The following DNAH9 variants were observed in gnomAD, a reference collection of about 807,000 sequenced individuals.
DNAH9 encodes the protein dynein axonemal heavy chain 9, also known as DNAH9 variant protein.
A neutral mutation model predicts 471.6 loss-of-function variants in DNAH9; 345 were observed. The observed-to-expected ratio is 0.73, with a 90% CI of 0.67 to 0.80. DNAH9 has a LOEUF of 0.80. DNAH9 is among the 30% of genes least tolerant of loss of function. DNAH9 has a pLI of 0.00. For missense variants in DNAH9, 5,407 were observed against 5,609.2 expected, an observed-to-expected ratio of 0.96 and a Z score of 1.15; for synonymous variants, 2,093 against 2,123.6, an observed-to-expected ratio of 0.99 and a Z score of 0.40.
intron 38 of DNAH9, among the ~76,000 whole-genome samples, chr17:11,773,549 T>C (rs1968302937): frequency 6.6e-6 from 1 of 151,912 alleles, no homozygotes. Context: ...TTTTTTAAAA[T>C]ATATATAATA....
chr17:11,622,501 C>T lies in DNAH9; in HGVS notation c.1350+2720C>T, dbSNP rs772048790. ...GGTGAGGGACACTCCAGCCCCAGCC[C>T]ATGCCTGGCCTGGGCTGACCACGAA... On this transcript the variant is annotated intron_variant, in intron 6 of 68. Coordinates refer to ENST00000262442, the MANE Select transcript of DNAH9 (RefSeq NM_001372.4). Among the ~76,000 whole-genome samples, 3 of 152,072 alleles carry T rather than the reference C, an allele frequency of 2.0e-5. 1 individual carries two copies. In the South Asian group the frequency reaches 6.2e-4, roughly 32 times the overall value.
rs1198355872 is a variant in DNAH9 at position 11,626,107 on chromosome 17, T to C, written c.1351-3310T>C. Among the ~76,000 whole-genome samples the C allele has an allele frequency of 6.6e-6, 1 of 152,230 alleles. No individual in the cohort carries two copies. The highest frequency in any genetic ancestry group is 1.5e-5 in the Non-Finnish European group (1 of 68,032). ...GTTTTTTGTTTGTTTGTTCTGGCCCTAGATCCTAGGCTCTTTCCACAATGC... is the reference window on the plus strand; with the variant it reads ...GTTTTTTGTTTGTTTGTTCTGGCCCCAGATCCTAGGCTCTTTCCACAATGC... On this transcript the variant is annotated intron_variant, in intron 6 of 68. Transcript: ENST00000262442. The surrounding 1 kb of genome is among the most constrained non-coding windows in gnomAD (Gnocchi z 4.3).
At chr17:11,762,783 T>TTTTG (rs1340196863) in intron 35 of DNAH9, among the ~76,000 whole-genome samples, 2 of 133,770 alleles carry the variant, frequency 1.5e-5, no homozygotes, top group Admixed American at 8.0e-5. Context: ...TTTTTTTTTT[T>TTTTG]TTTTTTTTTT....
intron 63 of DNAH9, among the ~76,000 whole-genome samples, chr17:11,930,493 C>G (rs1417952815): frequency 1.3e-5 from 2 of 152,236 alleles, no homozygotes; most frequent in African/African-American, 4.8e-5. Flanking sequence ...CTACATGAAT[C>G]TTGAGTATCA....
chr17:11,769,302 T>A lies in DNAH9; in HGVS notation c.7525T>A (p.Tyr2509Asn). The change falls in exon 38 of 69, where the codon TAC becomes AAC. Residue 2509 changes from tyrosine (Y) to asparagine (N), a missense_variant. Around this residue, in one of 3 missense-constraint regions of DNAH9, gnomAD observed 4,636 missense variants for 4,900.3 expected, o/e 0.95. Coordinates refer to ENST00000262442, the MANE Select transcript of DNAH9 (RefSeq NM_001372.4). ...AYLVKNVPFN[Y>N]YTTSAMLQAV... Reference sequence around the variant, plus strand: ...CCTGGTGAAAAACGTGCCATTCAACTACTACACCACGTCAGCAATGCTGCA... The same window carrying A: ...CCTGGTGAAAAACGTGCCATTCAACAACTACACCACGTCAGCAATGCTGCA... 2.5e-6 allele frequency: 4 copies of A among 1,613,662 alleles called. No individual in the cohort carries two copies. Among genetic ancestry groups the A allele is most frequent in the Non-Finnish European group, 3.4e-6 (4 of 1,179,850 alleles).
intron 14 of DNAH9, among the ~76,000 whole-genome samples, chr17:11,657,628 G>A (rs1238774934): frequency 1.3e-5 from 2 of 151,900 alleles, no homozygotes; most frequent in Non-Finnish European, 2.9e-5. Flanking sequence ...TCCAAAGATT[G>A]CAAAGATATC....
chr17:11,609,780 A>T (rs561478543), intron 2 of DNAH9, among the ~76,000 whole-genome samples: 1 of 152,220 alleles, frequency 6.6e-6, no homozygotes, highest in African/African-American at 2.4e-5. Flanking sequence ...TGGGAATTCT[A>T]TTCTTCACTG....
rs1027962119 is a variant in DNAH9, at chr17:11,892,921, G to C, written c.11283+974G>C. Among the ~76,000 whole-genome samples the C allele has an allele frequency of 1.3e-5, 2 of 151,968 alleles. No individual in the cohort carries two copies. Among genetic ancestry groups the C allele is most frequent in the Admixed American group, 1.3e-4 (2 of 15,244 alleles). Reference sequence around the variant, plus strand: ...GGGATTTTTTCCAATATGTAAATTGGGAGCACAGACTAATTATCTCGAAGG... The same window carrying C: ...GGGATTTTTTCCAATATGTAAATTGCGAGCACAGACTAATTATCTCGAAGG... On this transcript the variant is annotated intron_variant, in intron 58 of 68. Transcript: ENST00000262442. The surrounding 1 kb of genome is among the most constrained non-coding windows in gnomAD (Gnocchi z 4.3).
intron 53 of DNAH9, among the ~76,000 whole-genome samples, chr17:11,877,045 T>G (rs1302791338): frequency 6.6e-6 from 1 of 151,782 alleles, no homozygotes; most frequent in Non-Finnish European, 1.5e-5. Flanking sequence ...AACAGTTCTG[T>G]GAATGGATGA....
intron 45 of DNAH9, among the ~76,000 whole-genome samples, chr17:11,821,338 C>A (rs1273880235): frequency 1.3e-5 from 2 of 150,984 alleles, no homozygotes; most frequent in African/African-American, 4.9e-5. Context: ...TTTCAGATCC[C>A]AGTTTTCCTA....
At chr17:11,869,105 TG>T in intron 50 of DNAH9, 28 bp from the exon 51 acceptor site, 1 of 1,609,642 alleles carries the variant, frequency 6.2e-7, no homozygotes, top group Non-Finnish European at 8.5e-7. Context: ...CCGAAATGAC[TG>T]ATGGTCCTTG....
rs1437364269 is a variant in DNAH9, at chr17:11,854,305, C to T, written c.9810C>T (p.Ile3270=). The T allele has an allele frequency of 1.1e-5, 18 of 1,614,016 alleles. No homozygotes were observed. Among genetic ancestry groups the T allele is most frequent in the Non-Finnish European group, 6.8e-6 (8 of 1,180,042 alleles). ...YAAAGLCSWV[I]NIVRFYEVFC... ...CTGCAGGCCTCTGCTCCTGGGTCAT[C>T]AATATTGTGAGATTTTATGAGGTGT... The change falls in exon 50 of 69, where the codon ATC becomes ATT. Residue 3270 remains isoleucine (I), a synonymous_variant. Coordinates refer to ENST00000262442, the MANE Select transcript of DNAH9 (RefSeq NM_001372.4).
At chr17:11,689,094 CA>C (rs113884616) in intron 19 of DNAH9, among the ~76,000 whole-genome samples, 12 of 147,480 alleles carry the variant, frequency 8.1e-5, no homozygotes, top group East Asian at 4.0e-4. Flanking sequence ...GACTCTGTCT[CA>C]AAAAAAAAAT....
chr17:11,833,013 C>G (rs1250228572), intron 48 of DNAH9, among the ~76,000 whole-genome samples: 1 of 152,196 alleles, frequency 6.6e-6, no homozygotes, highest in Non-Finnish European at 1.5e-5. Context: ...ATTTCTGATT[C>G]AGTACATCTG....
At chr17:11,618,179 T>G (rs1389112447) in intron 5 of DNAH9, among the ~76,000 whole-genome samples, 1 of 152,248 alleles carries the variant, frequency 6.6e-6, no homozygotes, top group Non-Finnish European at 1.5e-5. Context: ...AAGAACCTGG[T>G]ACCCATAAGC....
chr17:11,878,676 C>T (rs1972601669), intron 53 of DNAH9, among the ~76,000 whole-genome samples: 1 of 152,128 alleles, frequency 6.6e-6, no homozygotes, highest in Non-Finnish European at 1.5e-5. Flanking sequence ...CCACCTTAGC[C>T]TCCCAGGTAG....
intron 26 of DNAH9, among the ~76,000 whole-genome samples, chr17:11,712,058 A>T (rs1165236676): frequency 1.0e-4 from 1 of 9,808 alleles, no homozygotes; most frequent in Admixed American, 3.1e-3. Context: ...ATATAAATAT[A>T]TATATTTGTA....
chr17:11,727,004 C>T (rs1471160666), intron 27 of DNAH9, among the ~76,000 whole-genome samples: 6 of 133,226 alleles, frequency 4.5e-5, no homozygotes, highest in Non-Finnish European at 9.2e-5. Flanking sequence ...GCCAAGATCG[C>T]ACCACTGCAC....
chr17:11,634,881 C>T (rs1029159827), intron 8 of DNAH9, among the ~76,000 whole-genome samples: 4 of 152,096 alleles, frequency 2.6e-5, no homozygotes, highest in Admixed American at 6.5e-5. Flanking sequence ...CAATCAGCTC[C>T]TAGAGCTTGC....
Sources: gnomAD v4.1 joint callset for allele counts (sites outside exome capture counted in the v4.1 genomes callset) on GRCh38, gnomAD v4.1.1 for gene constraint, gnomAD v4.1.1 regional missense constraint, Gnocchi (gnomAD v3.1) non-coding constraint, MANE v1.5 for transcripts, NCBI Gene and HGNC (gene_info 2026-07-23, HGNC 2026-07-21) for gene names.